PSORS1C1: variants seen among roughly 807,000 people sequenced by gnomAD.
The protein encoded by PSORS1C1 is psoriasis susceptibility 1 candidate 1.
In PSORS1C1, 7 loss-of-function variants were observed where a neutral mutation model predicts 9.4. The observed-to-expected ratio is 0.75, with a 90% CI of 0.42 to 1.40. The LOEUF (loss-of-function observed/expected upper bound fraction) is 1.40. Ranked by LOEUF, PSORS1C1 falls within the 40% of genes most tolerant of loss-of-function variation. The pLI is 0.01. For missense variants in PSORS1C1, 146 were observed against 178.1 expected (o/e 0.82, Z 1.02); for synonymous variants, 63 against 69.4 (o/e 0.91, Z 0.46).
intron 1 of PSORS1C1, among the ~76,000 whole-genome samples, chr6:31,121,157 G>C (rs990550998): frequency 7.4e-6 from 1 of 135,748 alleles, no homozygotes. Context: ...CTCTGGGGAC[G>C]GCATGGTGGC....
intron 1 of PSORS1C1, chr6:31,120,443 T>G: frequency 6.4e-7 from 1 of 1,554,152 alleles, no homozygotes; most frequent in Non-Finnish European, 8.7e-7. Context: ...GCCTCCTGAC[T>G]GATGGCAGCT....
At position 31,129,577 on chromosome 6, in the gene PSORS1C1, G is replaced by A; in HGVS notation, c.-56G>A. The A allele has an allele frequency of 1.3e-6, 1 of 778,766 alleles. No individual in the cohort carries two copies. The highest frequency in any genetic ancestry group is 2.4e-6 in the Non-Finnish European group (1 of 417,668). 48.2% of individuals were successfully genotyped at this position (778,766 alleles called of 1,614,324 possible). On this transcript the variant is annotated 5_prime_UTR_variant, in exon 3 of 6. Coordinates refer to ENST00000259881, the MANE Select transcript of PSORS1C1 (RefSeq NM_014068.3). Reference sequence around the variant, plus strand: ...CCTACCTGCCATGTCAGCCTGGGAAGAATTGGTTTGCAGCCAGGCAGTCCT... The same window carrying A: ...CCTACCTGCCATGTCAGCCTGGGAAAAATTGGTTTGCAGCCAGGCAGTCCT...
intron 3 of PSORS1C1, 165 bp from the exon 4 acceptor site, chr6:31,138,265 C>T (rs559519967): frequency 3.2e-6 from 5 of 1,578,044 alleles, no homozygotes; most frequent in Non-Finnish European, 4.3e-6. Flanking sequence ...TCTCGGTCCT[C>T]TGCGGGTGGG....
chr6:31,131,185 T>C (rs1012934290), intron 3 of PSORS1C1, among the ~76,000 whole-genome samples: 1 of 152,080 alleles, frequency 6.6e-6, no homozygotes, highest in African/African-American at 2.4e-5. Context: ...CATTCCGATC[T>C]ACTCTTTGTT....
At chr6:31,133,246 C>G (rs989035574) in intron 3 of PSORS1C1, among the ~76,000 whole-genome samples, 16 of 151,798 alleles carry the variant, frequency 1.1e-4, no homozygotes, top group African/African-American at 3.4e-4. Flanking sequence ...ATGAATAAAT[C>G]ATTGCCATAG....
chr6:31,130,206 G>T (rs1048885478), intron 3 of PSORS1C1, among the ~76,000 whole-genome samples: 1 of 151,520 alleles, frequency 6.6e-6, no homozygotes, highest in African/African-American at 2.4e-5. Context: ...TCTATCCTTA[G>T]CTTCCTGCCA....
intron 1 of PSORS1C1, chr6:31,117,125 T>C: frequency 6.2e-7 from 1 of 1,613,930 alleles, no homozygotes; most frequent in Non-Finnish European, 8.5e-7. Flanking sequence ...CTGCTGCTGC[T>C]GAACTGAAAG....
At position 31,119,902 on chromosome 6, in the gene PSORS1C1, T is replaced by G. The variant is rs958731675; in HGVS notation, c.-229+5011T>G. Among the ~76,000 whole-genome samples, 7 of 81,486 alleles carry G rather than the reference T, an allele frequency of 8.6e-5. No homozygotes were observed. In the East Asian group the frequency reaches 2.5e-3, roughly 29 times the overall value. The allele number at this position is 81,486 out of a possible 152,430, so 53.5% of individuals were successfully genotyped here. The stretch of plus-strand genomic sequence containing the variant: ...GCCTTGGAGACAGAGTGGGACTCCA[T>G]CTCACAAAAAAAAATAAAAATAAAA... On this transcript the variant is annotated intron_variant, in intron 1 of 5. Transcript: ENST00000259881.
chr6:31,134,461 C>A (rs999299970), intron 3 of PSORS1C1, among the ~76,000 whole-genome samples: 3 of 151,848 alleles, frequency 2.0e-5, no homozygotes, highest in Non-Finnish European at 4.4e-5. Flanking sequence ...GGCCACCATG[C>A]CCGGCTAATT....
At chr6:31,123,569 G>A (rs754629665) in intron 1 of PSORS1C1, among the ~76,000 whole-genome samples, 7 of 152,216 alleles carry the variant, frequency 4.6e-5, no homozygotes, top group African/African-American at 7.2e-5. Flanking sequence ...GCATTGGACC[G>A]GGTGAGAAAG....
Position 31,139,516 on chromosome 6 carries a change from C to A in PSORS1C1, c.168-125C>A. On this transcript the variant is annotated intron_variant, in intron 5 of 5. Coordinates refer to ENST00000259881, the MANE Select transcript of PSORS1C1 (RefSeq NM_014068.3). This position sits in a 1 kb window ranked among gnomAD's most constrained non-coding sequence, Gnocchi z 5.2. ...TGGGATGCAGCTGGGACAGTGTCAG[C>A]TACTACCCCAGCCTCCCCACTCACC... is the stretch of plus-strand genomic sequence containing the variant. The A allele has an allele frequency of 1.1e-6, 1 of 872,456 alleles. No individual in the cohort carries two copies. Among genetic ancestry groups the A allele is most frequent in the Non-Finnish European group, 1.8e-6 (1 of 571,038 alleles). 54.0% of individuals were successfully genotyped at this position (872,456 alleles called of 1,614,324 possible).
At chr6:31,123,294 G>A (rs1171008423) in intron 1 of PSORS1C1, among the ~76,000 whole-genome samples, 2 of 152,164 alleles carry the variant, frequency 1.3e-5, no homozygotes, top group Non-Finnish European at 1.5e-5. Context: ...GCTCTAATCC[G>A]CCGTGCTTTT....
chr6:31,138,628 C>A, intron 4 of PSORS1C1, 28 bp from the exon 5 acceptor site: 1 of 1,612,918 alleles, frequency 6.2e-7, no homozygotes, highest in South Asian at 1.1e-5. Context: ...AACCTGCAAC[C>A]CAAAGTGGGT....
In PSORS1C1 at chr6:31,132,221, A is replaced by T. The variant is rs1195686890; in HGVS notation, c.13+2576A>T. On this transcript the variant is annotated intron_variant, in intron 3 of 5. Transcript: ENST00000259881. ...CTCCAGCCTGGGCAACAGAGTGAGA[A>T]CTGTCTCAAAAATAAATAGGCCAGG... Among the ~76,000 whole-genome samples, 2 of 151,828 alleles carry T rather than the reference A, an allele frequency of 1.3e-5. 1 individual carries two copies. Among genetic ancestry groups the T allele is most frequent in the Non-Finnish European group, 2.9e-5 (2 of 67,920 alleles).
intron 1 of PSORS1C1, among the ~76,000 whole-genome samples, chr6:31,121,204 G>T (rs6927322): frequency 0.046 from 7,040 of 151,904 alleles, 217 homozygotes; most frequent in African/African-American, 0.088. Flanking sequence ...GGCTCAGCCA[G>T]GGGAGGGGCC....
intron 3 of PSORS1C1, among the ~76,000 whole-genome samples, chr6:31,130,033 T>C (rs1338318445): frequency 6.6e-6 from 1 of 152,112 alleles, no homozygotes; most frequent in African/African-American, 2.4e-5. Flanking sequence ...AAGGCTGCAG[T>C]GAGCTGTAAC....
At chr6:31,137,127 A>T (rs930201652) in intron 3 of PSORS1C1, among the ~76,000 whole-genome samples, 1 of 136,062 alleles carries the variant, frequency 7.3e-6, no homozygotes, top group Non-Finnish European at 1.6e-5. Flanking sequence ...CAGCCTGGGC[A>T]TAGAGTGAGA....
At position 31,115,079 on chromosome 6, in the gene PSORS1C1, G is replaced by A. The variant is rs1408395487; in HGVS notation, c.-229+188G>A. On this transcript the variant is annotated intron_variant, in intron 1 of 5. Transcript: ENST00000259881. The surrounding 1 kb of genome is among the most constrained non-coding windows in gnomAD (Gnocchi z 4.2). ...ATGGCGGAAGGATCTGGGAGGCCAG[G>A]CAATCTCTGCTTTCAGTTCAACAAA... is the stretch of plus-strand genomic sequence containing the variant. 3 of 356,752 alleles carry A rather than the reference G, an allele frequency of 8.4e-6. No individual in the cohort carries two copies. The highest frequency in any genetic ancestry group is 1.7e-5 in the Non-Finnish European group (3 of 181,630). The allele number at this position is 356,752 out of a possible 1,614,324, so 22.1% of individuals were successfully genotyped here. A position where few individuals can be genotyped will look rare whatever the true frequency, so the allele number is the denominator to read the frequency against.
intron 1 of PSORS1C1, chr6:31,116,606 G>A: frequency 2.5e-6 from 4 of 1,613,406 alleles, no homozygotes; most frequent in Non-Finnish European, 3.4e-6. Context: ...GCAAAGGAAG[G>A]GACCCCTGGA....
Sources: gnomAD v4.1 joint callset for allele counts (sites outside exome capture counted in the v4.1 genomes callset) on GRCh38, gnomAD v4.1.1 for gene constraint, Gnocchi (gnomAD v3.1) non-coding constraint, MANE v1.5 for transcripts, NCBI Gene and HGNC (gene_info 2026-07-23, HGNC 2026-07-21) for gene names.